Variants in ATP8A2 observed in about 807,000 individuals in gnomAD.
The protein encoded by ATP8A2 is phospholipid-transporting ATPase IB.
ATP8A2 carries 100 observed loss-of-function variants against 165.6 expected under a neutral mutation model. That is an observed-to-expected ratio of 0.60 (90% CI 0.51 to 0.71). ATP8A2 has a LOEUF of 0.71. Among genes scored for constraint, ATP8A2 ranks in the 30% least tolerant of loss-of-function variants. ATP8A2 has a pLI of 0.00. For synonymous variants in ATP8A2, 543 were observed against 548.8 expected (o/e 0.99, Z 0.15); for missense variants, 1,227 against 1,479.5 (o/e 0.83, Z 2.80).
At chr13:25,540,050 G>T (rs1201412036) in intron 7 of ATP8A2, among the ~76,000 whole-genome samples, 8 of 152,148 alleles carry the variant, frequency 5.3e-5, no homozygotes, top group South Asian at 4.1e-4. Flanking sequence ...TTCATCTTCA[G>T]TTCATTCCTG....
chr13:25,514,314 T>C (rs2037395438), intron 2 of ATP8A2, among the ~76,000 whole-genome samples: 1 of 152,244 alleles, frequency 6.6e-6, no homozygotes, highest in African/African-American at 2.4e-5. Flanking sequence ...AAATATTCTT[T>C]TAAAGTTTGC....
At chr13:25,943,281 C>G (rs1447260488) in intron 33 of ATP8A2, among the ~76,000 whole-genome samples, 1 of 152,178 alleles carries the variant, frequency 6.6e-6, no homozygotes, top group African/African-American at 2.4e-5. Flanking sequence ...TCTCCTCACT[C>G]AAATTACTTC....
In ATP8A2 at chr13:26,025,005, A is replaced by C. The variant is rs922138563; in HGVS notation, c.*5020A>C. ...GAGAAAAGGCCGGAAAGAGGGAGAG[A>C]GCCCAGAGAGCAGGCTGCGAACTCA... On this transcript the variant is annotated 3_prime_UTR_variant, in exon 37 of 37. Transcript: ENST00000381655. 2 of 151,424 alleles carry C rather than the reference A, an allele frequency of 1.3e-5. No homozygotes were observed. Among genetic ancestry groups the C allele is most frequent in the Non-Finnish European group, 2.9e-5 (2 of 67,936 alleles). 9.4% of individuals were successfully genotyped at this position (151,424 alleles called of 1,614,324 possible). A position where few individuals can be genotyped will look rare whatever the true frequency, so the allele number is the denominator to read the frequency against.
intron 1 of ATP8A2, among the ~76,000 whole-genome samples, chr13:25,465,487 C>T (rs1356534098): frequency 5.9e-5 from 9 of 151,572 alleles, no homozygotes; most frequent in Non-Finnish European, 1.3e-4. Context: ...TAATTTTTTT[C>T]ACTCCAATAT....
At chr13:25,827,827 G>C (rs1055005043) in intron 27 of ATP8A2, among the ~76,000 whole-genome samples, 12 of 152,202 alleles carry the variant, frequency 7.9e-5, no homozygotes, top group Admixed American at 4.6e-4. Flanking sequence ...CAATGAGAAA[G>C]TTTTGATACC....
At chr13:25,744,488 G>A (rs989318639) in intron 25 of ATP8A2, among the ~76,000 whole-genome samples, 15 of 152,224 alleles carry the variant, frequency 9.9e-5, no homozygotes, top group Non-Finnish European at 2.9e-5. Flanking sequence ...AAGAACTAAA[G>A]CGGGGGGAGG....
Position 25,394,709 on chromosome 13 carries a change from GA to G in ATP8A2, c.76+22430del, listed in dbSNP as rs950026205. Among the ~76,000 whole-genome samples the G allele has an allele frequency of 1.1e-4, 16 of 150,148 alleles. No homozygotes were observed. The East Asian group carries it at 1.9e-3, about 18-fold the overall frequency. ...ATTAAGAAACATCAGATGCAGAAAG[GA>G]AAAAAAAAGGCTTACTGTCCTTCCC... On this transcript the variant is annotated intron_variant, in intron 1 of 36. Transcript: ENST00000381655.
At chr13:25,502,386 A>G (rs1296407330) in intron 2 of ATP8A2, among the ~76,000 whole-genome samples, 1 of 152,206 alleles carries the variant, frequency 6.6e-6, no homozygotes, top group Non-Finnish European at 1.5e-5. Context: ...CATTGGGAAA[A>G]TGAATTTACT....
In ATP8A2 at chr13:26,025,276, C is replaced by G. The variant is rs1314449903; in HGVS notation, c.*5291C>G. 1 of 152,254 alleles carries G rather than the reference C, an allele frequency of 6.6e-6. No homozygotes were observed. The highest frequency in any genetic ancestry group is 1.9e-4 in the East Asian group (1 of 5,184). The allele number at this position is 152,254 out of a possible 1,614,324, so 9.4% of individuals were successfully genotyped here. A position where few individuals can be genotyped will look rare whatever the true frequency, so the allele number is the denominator to read the frequency against. On this transcript the variant is annotated 3_prime_UTR_variant, in exon 37 of 37. Transcript: ENST00000381655. ...CTCTCCCCTCCCGCCCCACTCTCCC[C>G]CGTTGCCCGAGATGGCCAAGTTCAG...
chr13:25,865,120 A>G (rs907657630), intron 33 of ATP8A2, among the ~76,000 whole-genome samples: 4 of 152,172 alleles, frequency 2.6e-5, no homozygotes, highest in African/African-American at 9.7e-5. Flanking sequence ...ATGCTGTCAT[A>G]AAAAAGAGGA....
At chr13:25,801,879 C>T (rs901787134) in intron 27 of ATP8A2, among the ~76,000 whole-genome samples, 2 of 152,052 alleles carry the variant, frequency 1.3e-5, no homozygotes, top group African/African-American at 4.8e-5. Context: ...CTTCACATGG[C>T]AGCATCAAGG....
chr13:25,976,232 T>A (rs1956033457), intron 35 of ATP8A2, among the ~76,000 whole-genome samples: 1 of 152,118 alleles, frequency 6.6e-6, no homozygotes, highest in Non-Finnish European at 1.5e-5. Flanking sequence ...CTGAGACCTG[T>A]CTTCCTGGTT....
chr13:25,761,716 TATAA>T (rs980455451), intron 25 of ATP8A2, among the ~76,000 whole-genome samples: 1 of 151,364 alleles, frequency 6.6e-6, no homozygotes, highest in Non-Finnish European at 1.5e-5. Context: ...ATTTATTAAA[TATAA>T]ATAATTTGTT....
In ATP8A2 at chr13:25,433,809, GA is replaced by G. The variant is rs561563530; in HGVS notation, c.77-35165del. 2.2e-4 allele frequency among the ~76,000 whole-genome samples: 34 copies of G among 152,308 alleles called. No homozygotes were observed. In the East Asian group the frequency reaches 6.4e-3, roughly 29 times the overall value. Reference sequence around the variant, plus strand: ...ATACTACACAGCCATAAAACAGAATGAAATCATGTCCTTTGCAGCAACATGG... The same window carrying G: ...ATACTACACAGCCATAAAACAGAATGAATCATGTCCTTTGCAGCAACATGG... On this transcript the variant is annotated intron_variant, in intron 1 of 36. Coordinates refer to ENST00000381655, the MANE Select transcript of ATP8A2 (RefSeq NM_016529.6).
At chr13:26,010,555 G>A (rs1053713171) in intron 35 of ATP8A2, among the ~76,000 whole-genome samples, 5 of 152,222 alleles carry the variant, frequency 3.3e-5, no homozygotes, top group Non-Finnish European at 5.9e-5. Context: ...TGCTGGGCAC[G>A]TGTTGGACAG....
intron 1 of ATP8A2, among the ~76,000 whole-genome samples, chr13:25,434,570 A>C (rs982315586): frequency 6.6e-6 from 1 of 152,044 alleles, no homozygotes; most frequent in Non-Finnish European, 1.5e-5. Context: ...TCTGGTCTCG[A>C]ACTCCTGGCC....
In ATP8A2 at chr13:26,019,990, T is replaced by C. The variant is rs116179843; in HGVS notation, c.*5T>C. The C allele has an allele frequency of 1.3e-3, 1,988 of 1,586,546 alleles. 27 individuals carry two copies. The African/African-American group carries it at 0.024, about 19-fold the overall frequency. On this transcript the variant is annotated 3_prime_UTR_variant, in exon 37 of 37. Transcript: ENST00000381655. ...AAGAAATCCAGGAAGAAATAAGACA[T>C]GAATTTTCCTGACTGATCTTAGGAA...
At chr13:25,800,443 T>A (rs1208949717) in intron 27 of ATP8A2, among the ~76,000 whole-genome samples, 1 of 152,178 alleles carries the variant, frequency 6.6e-6, no homozygotes, top group Non-Finnish European at 1.5e-5. Context: ...TTGCACAGTA[T>A]CTTGAATCAG....
In ATP8A2 at chr13:26,019,917, G is replaced by A. The variant is rs1419528778; in HGVS notation, c.3499G>A (p.Gly1167Arg). Residue 1167 changes from glycine (G) to arginine (R), a missense_variant, in exon 37 of 37, where the codon GGA becomes AGA. Gly to Arg is a moderately radical substitution (Grantham distance 125). Coordinates refer to ENST00000381655, the MANE Select transcript of ATP8A2 (RefSeq NM_016529.6). ...GTATGCTTTTTCTCAAGAAGAACACGGAGCTGTTAGTCAGGAAGAAGTCAT... is the reference window on the plus strand; with the variant it reads ...GTATGCTTTTTCTCAAGAAGAACACAGAGCTGTTAGTCAGGAAGAAGTCAT... ...HGYAFSQEEH[G>R]AVSQEEVIRA... 2 of 1,614,054 alleles carry A rather than the reference G, an allele frequency of 1.2e-6. No homozygotes were observed. The highest frequency in any genetic ancestry group is 1.1e-5 in the South Asian group (1 of 91,072).
Sources: gnomAD v4.1 joint callset for allele counts (sites outside exome capture counted in the v4.1 genomes callset) on GRCh38, gnomAD v4.1.1 for gene constraint, MANE v1.5 for transcripts, NCBI Gene and HGNC (gene_info 2026-07-23, HGNC 2026-07-21) for gene names.